EPB41L4A: variants seen among roughly 807,000 people sequenced by gnomAD.
EPB41L4A encodes band 4.1-like protein 4A.
EPB41L4A carries 100 observed loss-of-function variants against 108.6 expected under a neutral mutation model. The ratio of observed to expected loss-of-function variants is 0.92; its 90% confidence interval spans 0.78 to 1.09. The LOEUF is 1.09. EPB41L4A is among the 50% of genes least tolerant of loss of function. EPB41L4A has a pLI of 0.00. For missense variants in EPB41L4A, 1,030 were observed against 842.7 expected (o/e 1.22, Z -2.75); for synonymous variants, 319 against 289.0 (o/e 1.10, Z -1.05).
At position 112,195,378 on chromosome 5, in the gene EPB41L4A, G is replaced by A. The variant is rs1371650540; in HGVS notation, c.1424+283C>T. On this transcript the variant is annotated intron_variant, in intron 16 of 22. Coordinates refer to ENST00000261486, the MANE Select transcript of EPB41L4A (RefSeq NM_022140.5). ...CTGTTCAATGGACAGAATTATACTA[G>A]ATAAATAGAGTTGTTGCTGCTTTAA... Among the ~76,000 whole-genome samples the A allele has an allele frequency of 3.3e-5, 5 of 151,540 alleles. No homozygotes were observed. The South Asian group carries it at 6.3e-4, about 19-fold the overall frequency.
intron 1 of EPB41L4A, among the ~76,000 whole-genome samples, chr5:112,379,410 A>G (rs1377439515): frequency 1.3e-5 from 2 of 152,188 alleles, no homozygotes; most frequent in Non-Finnish European, 2.9e-5. Flanking sequence ...GTAGAGGTCT[A>G]AAATCATCCT....
intron 1 of EPB41L4A, among the ~76,000 whole-genome samples, chr5:112,361,367 G>A (rs1758745996): frequency 6.6e-6 from 1 of 152,078 alleles, no homozygotes; most frequent in Non-Finnish European, 1.5e-5. Context: ...AAGTACCCAG[G>A]GACACAAACA....
At chr5:112,391,418 G>A (rs553642192) in intron 1 of EPB41L4A, among the ~76,000 whole-genome samples, 1 of 152,246 alleles carries the variant, frequency 6.6e-6, no homozygotes, top group Admixed American at 6.5e-5. Context: ...CATGGCACAA[G>A]AACTACATGA....
intron 3 of EPB41L4A, 44 bp downstream of exon 3, chr5:112,280,228 C>T (rs1314818662): frequency 6.4e-7 from 1 of 1,555,834 alleles, no homozygotes; most frequent in African/African-American, 1.4e-5. Flanking sequence ...ACTTTGTCAT[C>T]GTTTTCAAGC....
intron 9 of EPB41L4A, among the ~76,000 whole-genome samples, chr5:112,255,964 A>G (rs1419137092): frequency 6.6e-6 from 1 of 152,030 alleles, no homozygotes; most frequent in Non-Finnish European, 1.5e-5. Context: ...TCTCAGGCCA[A>G]ACTCGTTTAA....
chr5:112,180,337 T>G (rs1199340897), intron 18 of EPB41L4A, among the ~76,000 whole-genome samples: 1 of 152,178 alleles, frequency 6.6e-6, no homozygotes, highest in Admixed American at 6.5e-5. Flanking sequence ...CAAGTCTTAC[T>G]ATAAAGCTAC....
In EPB41L4A at chr5:112,396,165, G is replaced by C. The variant is rs189185386; in HGVS notation, c.99+22776C>G. ...CCTAATGTAAATGACGAGTTAATGGGTGCGGCAAACCAACATGGCACATGT... is the reference window on the plus strand; with the variant it reads ...CCTAATGTAAATGACGAGTTAATGGCTGCGGCAAACCAACATGGCACATGT... On this transcript the variant is annotated intron_variant, in intron 1 of 22. Transcript: ENST00000261486. 3.9e-3 allele frequency among the ~76,000 whole-genome samples: 600 copies of C among 152,142 alleles called. 5 individuals are homozygous for C. Among genetic ancestry groups the C allele is most frequent in the African/African-American group, 0.013 (542 of 41,502 alleles).
chr5:112,216,408 G>A (rs1747645448), intron 12 of EPB41L4A, among the ~76,000 whole-genome samples: 1 of 152,174 alleles, frequency 6.6e-6, no homozygotes. Flanking sequence ...GGTGAAGGCT[G>A]AATGTGTGAA....
intron 1 of EPB41L4A, among the ~76,000 whole-genome samples, chr5:112,351,342 A>G (rs1758027667): frequency 6.6e-6 from 1 of 152,222 alleles, no homozygotes; most frequent in Non-Finnish European, 1.5e-5. Flanking sequence ...ATGAACAATA[A>G]TAAGCTAACA....
chr5:112,374,201 C>T (rs1286872440), intron 1 of EPB41L4A, among the ~76,000 whole-genome samples: 3 of 152,118 alleles, frequency 2.0e-5, no homozygotes, highest in East Asian at 1.9e-4. Context: ...TATTACAAAC[C>T]GTAGCCATGA....
intron 17 of EPB41L4A, among the ~76,000 whole-genome samples, chr5:112,188,461 A>C (rs1422680347): frequency 6.6e-6 from 1 of 152,096 alleles, no homozygotes; most frequent in Non-Finnish European, 1.5e-5. Context: ...TGTTTTCATG[A>C]ATTTTTAACC....
chr5:112,147,732 T>C (rs1328202686), intron 12 of EPB41L4A, among the ~76,000 whole-genome samples: 1 of 144,474 alleles, frequency 6.9e-6, no homozygotes, highest in Non-Finnish European at 1.5e-5. Context: ...AAGAAAAAAA[T>C]GAATGAAAAA....
intron 12 of EPB41L4A, among the ~76,000 whole-genome samples, chr5:112,156,542 C>T (rs191678807): frequency 1.3e-5 from 2 of 152,140 alleles, no homozygotes; most frequent in Non-Finnish European, 2.9e-5. Context: ...GTGATGCCAC[C>T]CACATTGAGG....
At chr5:112,154,918 T>C (rs901018060) in intron 12 of EPB41L4A, among the ~76,000 whole-genome samples, 3 of 152,188 alleles carry the variant, frequency 2.0e-5, no homozygotes, top group Non-Finnish European at 4.4e-5. Flanking sequence ...TCAGATACTG[T>C]AAGGAACAAC....
intron 9 of EPB41L4A, among the ~76,000 whole-genome samples, chr5:112,253,964 T>C (rs1750877912): frequency 6.6e-6 from 1 of 152,172 alleles, no homozygotes. Flanking sequence ...CTGGCCATCA[T>C]CGCTTCCCGT....
chr5:112,227,679 C>A (rs1748566630), intron 12 of EPB41L4A, among the ~76,000 whole-genome samples: 1 of 152,226 alleles, frequency 6.6e-6, no homozygotes, highest in East Asian at 1.9e-4. Context: ...ACAGATTTGA[C>A]TGCCACAAGC....
intron 1 of EPB41L4A, among the ~76,000 whole-genome samples, chr5:112,377,215 G>GAAAAA (rs576720562): frequency 6.9e-5 from 7 of 101,712 alleles, no homozygotes; most frequent in South Asian, 3.4e-4. Flanking sequence ...CTGTTTGTTT[G>GAAAAA]AAAAAAAAAA....
chr5:112,385,716 T>C (rs1482056115), intron 1 of EPB41L4A, among the ~76,000 whole-genome samples: 2 of 152,108 alleles, frequency 1.3e-5, no homozygotes, highest in African/African-American at 2.4e-5. Context: ...AAAACTCAAA[T>C]GGAAACCGAA....
intron 12 of EPB41L4A, among the ~76,000 whole-genome samples, chr5:112,215,830 A>G (rs541178825): frequency 6.6e-6 from 1 of 151,732 alleles, no homozygotes; most frequent in Admixed American, 6.6e-5. Context: ...GGCTGCTCGT[A>G]TTTTGAAGAG....
Sources: gnomAD v4.1 joint callset for allele counts (sites outside exome capture counted in the v4.1 genomes callset) on GRCh38, gnomAD v4.1.1 for gene constraint, MANE v1.5 for transcripts, NCBI Gene and HGNC (gene_info 2026-07-23, HGNC 2026-07-21) for gene names.